The following RPS29 variants were observed in gnomAD, a reference collection of about 807,000 sequenced individuals.
The protein encoded by RPS29 is small ribosomal subunit protein uS14.
For synonymous variants in RPS29, 37 were observed against 26.9 expected, an observed-to-expected ratio of 1.37 and a Z score of -1.16; for missense variants, 60 against 75.7, an observed-to-expected ratio of 0.79 and a Z score of 0.77.
upstream of RPS29, among the ~76,000 whole-genome samples, chr14:49,587,229 G>A (rs538724676): frequency 5.5e-4 from 84 of 152,326 alleles, no homozygotes; most frequent in East Asian, 1.2e-3. Context: ...TTGGCTGAAT[G>A]TAAAGTAATA....
Position 49,593,692 on chromosome 14 carries a change from C to CAAAAAAA in RPS29, c.-133+4701_-133+4707dup, listed in dbSNP as rs10647593. Among the ~76,000 whole-genome samples, 452 of 56,170 alleles carry CAAAAAAA rather than the reference C, an allele frequency of 8.0e-3. 50 individuals carry two copies. The highest frequency in any genetic ancestry group is 0.019 in the Middle Eastern group (1 of 52). The allele number at this position is 56,170 out of a possible 152,430, so 36.8% of individuals were successfully genotyped here. A position where few individuals can be genotyped will look rare whatever the true frequency, so the allele number is the denominator to read the frequency against. ...TGGGCGACAGAGCAAGACTCTGTCT[C>CAAAAAAA]AAAAAAAAAAAAAAAAAAAAAAAAG... On this transcript the variant is annotated intron_variant, in intron 1 of 3. Coordinates refer to the RPS29 transcript ENST00000556230.
upstream of RPS29, among the ~76,000 whole-genome samples, chr14:49,590,862 T>C (rs549398731): frequency 2.0e-5 from 3 of 152,170 alleles, no homozygotes; most frequent in East Asian, 5.8e-4. Flanking sequence ...AGCTAATTTT[T>C]GTGTTTTTAG....
At chr14:49,572,690 T>C (rs1482005621) in exon 3 of RPS29, 1 of 152,198 alleles carries the variant, frequency 6.6e-6, no homozygotes, top group Non-Finnish European at 1.5e-5. Context: ...TTTGCTCCCT[T>C]GGCAATAAAG....
downstream of RPS29, among the ~76,000 whole-genome samples, chr14:49,583,051 C>T (rs548432074): frequency 6.6e-6 from 1 of 152,138 alleles, no homozygotes; most frequent in Non-Finnish European, 1.5e-5. Flanking sequence ...CAGTATGTTG[C>T]CCAGGGTGGT....
At chr14:49,598,696 C>T (rs1467601934), upstream of RPS29, 3 of 700,054 alleles carry the variant, frequency 4.3e-6, no homozygotes, top group South Asian at 3.0e-5. Flanking sequence ...CGAACAGAAA[C>T]AACCACCGCT....
At chr14:49,581,038 T>C (rs1456966149), downstream of RPS29, among the ~76,000 whole-genome samples, 1 of 149,842 alleles carries the variant, frequency 6.7e-6, no homozygotes, top group East Asian at 2.0e-4. Context: ...AAATACAAAA[T>C]GAGCCGGGCA....
downstream of RPS29, among the ~76,000 whole-genome samples, chr14:49,582,242 A>G (rs1255657531): frequency 6.6e-6 from 1 of 152,206 alleles, no homozygotes; most frequent in Non-Finnish European, 1.5e-5. Context: ...TAACCTGGAC[A>G]GCATAGTAAT....
chr14:49,575,021 AC>A (rs1566474671), exon 3 of RPS29: 2 of 152,572 alleles, frequency 1.3e-5, no homozygotes, highest in African/African-American at 4.8e-5. Flanking sequence ...CTCAAACTAT[AC>A]AGGCAGTCAG....
Position 49,595,033 on chromosome 14 carries a change from G to A in RPS29, c.-133+3367C>T, listed in dbSNP as rs531263402. Reference sequence around the variant, plus strand: ...GGACGTACTTTTGGCTTGCCATTTCGTGCATCCTGAATTCTAATATTCTCT... The same window carrying A: ...GGACGTACTTTTGGCTTGCCATTTCATGCATCCTGAATTCTAATATTCTCT... On this transcript the variant is annotated intron_variant, in intron 1 of 3. Coordinates refer to the RPS29 transcript ENST00000556230. Among the ~76,000 whole-genome samples the A allele has an allele frequency of 3.3e-5, 5 of 152,174 alleles. No individual in the cohort carries two copies. In the South Asian group the frequency reaches 6.2e-4, roughly 19 times the overall value.
In RPS29 at chr14:49,585,510, G is replaced by C. The variant is rs558501690; in HGVS notation, c.162+440C>G. The stretch of plus-strand genomic sequence containing the variant: ...CAAGAGGATCGCCTGAGACCAGGAG[G>C]AGTTCGAGGCTGCAGTGAGCCGTAA... On this transcript the variant is annotated intron_variant, in intron 2 of 2. Coordinates refer to ENST00000245458, the MANE Select transcript of RPS29 (RefSeq NM_001032.5). 2.1e-4 allele frequency: 48 copies of C among 224,426 alleles called. No homozygotes were observed. The South Asian group carries it at 3.0e-3, about 14-fold the overall frequency. 13.9% of individuals were successfully genotyped at this position (224,426 alleles called of 1,614,324 possible).
downstream of RPS29, among the ~76,000 whole-genome samples, chr14:49,581,055 C>T (rs938996332): frequency 7.3e-5 from 11 of 150,670 alleles, no homozygotes; most frequent in South Asian, 4.2e-4. Context: ...GGCATGGTGG[C>T]GCATGCCTGT....
intron 1 of RPS29, chr14:49,598,276 C>A: frequency 3.3e-6 from 2 of 597,148 alleles, no homozygotes; most frequent in Non-Finnish European, 6.0e-6. Context: ...GCTTCCCACT[C>A]CCCAGCCGGG....
chr14:49,583,502 C>T (rs990931035), downstream of RPS29: 13 of 699,276 alleles, frequency 1.9e-5, no homozygotes, highest in African/African-American at 2.5e-4. Flanking sequence ...GGGACTCAGT[C>T]TCAAAAAAAA....
chr14:49,590,634 A>G (rs2139519232), upstream of RPS29, among the ~76,000 whole-genome samples: 1 of 152,222 alleles, frequency 6.6e-6, no homozygotes, highest in Middle Eastern at 3.4e-3. Context: ...GGTTATTACA[A>G]TATGCACACT....
downstream of RPS29, among the ~76,000 whole-genome samples, chr14:49,580,776 C>G (rs2139506284): frequency 6.6e-6 from 1 of 152,034 alleles, no homozygotes; most frequent in Non-Finnish European, 1.5e-5. Flanking sequence ...TCCCAGCTAC[C>G]TGGCAGGCTG....
At chr14:49,578,794 T>C (rs1403957002), downstream of RPS29, among the ~76,000 whole-genome samples, 1 of 151,978 alleles carries the variant, frequency 6.6e-6, no homozygotes, top group African/African-American at 2.4e-5. Context: ...CTCCTGGCCT[T>C]GTGATCCACC....
At chr14:49,571,842 T>A (rs969851165) in exon 3 of RPS29, 4 of 152,226 alleles carry the variant, frequency 2.6e-5, no homozygotes, top group Admixed American at 6.5e-5. Flanking sequence ...ATATCCTTCA[T>A]AATAAAACAA....
At chr14:49,581,354 C>T (rs17774817), downstream of RPS29, among the ~76,000 whole-genome samples, 62,505 of 152,006 alleles carry the variant, frequency 0.41, 15,089 homozygotes, top group Non-Finnish European at 0.54. Flanking sequence ...TGATCACTCA[C>T]GTCACTGCTT....
intron 1 of RPS29, among the ~76,000 whole-genome samples, chr14:49,597,264 C>T (rs1881851947): frequency 6.6e-6 from 1 of 151,970 alleles, no homozygotes; most frequent in Non-Finnish European, 1.5e-5. Flanking sequence ...CTCACTATTG[C>T]CCAGGCTAAT....
Sources: allele counts gnomAD v4.1 joint callset (sites outside exome capture counted in the v4.1 genomes callset), GRCh38; gene constraint gnomAD v4.1.1; transcripts MANE v1.5; gene names NCBI Gene and HGNC (gene_info 2026-07-23, HGNC 2026-07-21).